FHIP1A: variants seen among roughly 807,000 people sequenced by gnomAD.
FHIP1A encodes the protein FHF complex subunit HOOK interacting protein 1A.
A neutral mutation model predicts 88.6 loss-of-function variants in FHIP1A; 61 were observed. The observed-to-expected ratio is 0.69, with a 90% CI of 0.56 to 0.85. The LOEUF (loss-of-function observed/expected upper bound fraction) is 0.85. Among genes scored for constraint, FHIP1A ranks in the 40% least tolerant of loss-of-function variants. The probability of loss-of-function intolerance (pLI) is 0.00; values close to 1 mark genes in which losing one functional copy is unlikely to be tolerated. For missense variants in FHIP1A, 1,154 were observed against 1,273.5 expected (o/e 0.91, Z 1.43); for synonymous variants, 478 against 496.0 (o/e 0.96, Z 0.48).
At chr4:151,649,339 A>G in intron 10 of FHIP1A, 120 bp from the exon 11 acceptor site, 1 of 634,074 alleles carries the variant, frequency 1.6e-6, no homozygotes, top group South Asian at 2.0e-5. Context: ...TTTTAATCAG[A>G]TATAATTAGA....
chr4:151,473,102 A>C (rs7657747), intron 2 of FHIP1A, among the ~76,000 whole-genome samples: 1 of 151,842 alleles, frequency 6.6e-6, no homozygotes, highest in East Asian at 1.9e-4. Flanking sequence ...TGTTGTTGCT[A>C]TTATCTCTTG....
At chr4:151,427,256 G>A (rs1383492518) in intron 1 of FHIP1A, among the ~76,000 whole-genome samples, 1 of 152,010 alleles carries the variant, frequency 6.6e-6, no homozygotes, top group African/African-American at 2.4e-5. Flanking sequence ...TCAGTTTATT[G>A]ACTTATTATG....
chr4:151,578,770 T>G (rs1217169935), intron 5 of FHIP1A, among the ~76,000 whole-genome samples: 1 of 152,218 alleles, frequency 6.6e-6, no homozygotes, highest in East Asian at 1.9e-4. Flanking sequence ...TGTTGAAAAC[T>G]TATGTCCACC....
intron 2 of FHIP1A, among the ~76,000 whole-genome samples, chr4:151,468,613 A>G (rs1330521226): frequency 6.6e-6 from 1 of 152,158 alleles, no homozygotes; most frequent in African/African-American, 2.4e-5. Flanking sequence ...TTAGATTGCC[A>G]CCCCATGCCC....
chr4:151,473,090 G>C (rs1042678410), intron 2 of FHIP1A, among the ~76,000 whole-genome samples: 5 of 152,020 alleles, frequency 3.3e-5, no homozygotes, highest in Non-Finnish European at 7.4e-5. Flanking sequence ...GTTTTTTGTC[G>C]TTGTTGTTGC....
intron 1 of FHIP1A, among the ~76,000 whole-genome samples, chr4:151,425,678 C>T (rs186364540): frequency 2.8e-4 from 43 of 152,084 alleles, no homozygotes; most frequent in Admixed American, 1.4e-3. Context: ...TTTTGGAGGC[C>T]GGAAGTCTAA....
intron 2 of FHIP1A, among the ~76,000 whole-genome samples, chr4:151,462,321 C>T (rs1729168999): frequency 6.6e-6 from 1 of 152,122 alleles, no homozygotes; most frequent in Non-Finnish European, 1.5e-5. Flanking sequence ...GGGTGTACTT[C>T]ATGTTCCGTA....
At chr4:151,583,227 A>G (rs62329100) in intron 5 of FHIP1A, among the ~76,000 whole-genome samples, 7,403 of 152,304 alleles carry the variant, frequency 0.049, 245 homozygotes, top group Non-Finnish European at 0.079. Flanking sequence ...TCTTGTTTCT[A>G]AGACTATGTA....
At chr4:151,425,783 G>GCAT (rs58334283) in intron 1 of FHIP1A, among the ~76,000 whole-genome samples, 78,733 of 151,682 alleles carry the variant, frequency 0.52, 20,704 homozygotes, top group African/African-American at 0.55. Context: ...GCTTGTGGCT[G>GCAT]CATCTCTCTG....
intron 3 of FHIP1A, among the ~76,000 whole-genome samples, chr4:151,517,305 G>A (rs1029615413): frequency 1.3e-5 from 2 of 150,986 alleles, no homozygotes; most frequent in Admixed American, 1.3e-4. Context: ...CTGTTGTGGG[G>A]TTGGGGGAGG....
chr4:151,551,829 C>G (rs969568976), intron 3 of FHIP1A, among the ~76,000 whole-genome samples: 17 of 152,234 alleles, frequency 1.1e-4, no homozygotes, highest in African/African-American at 3.9e-4. Flanking sequence ...ACAAAATTGA[C>G]AAATGGGATC....
chr4:151,664,372 G>A lies in FHIP1A; in HGVS notation c.*1618G>A, dbSNP rs1737587184. On this transcript the variant is annotated 3_prime_UTR_variant, in exon 14 of 14. Coordinates refer to ENST00000435205, the MANE Select transcript of FHIP1A (RefSeq NM_001109977.3). ...GAATCTTGAAGCAGCTTTGTATTGA[G>A]TGAATGAGAAATTGAGAGCTGGCCT... Among the ~76,000 whole-genome samples, 1 of 152,244 alleles carries A rather than the reference G, an allele frequency of 6.6e-6. No individual in the cohort carries two copies. Among genetic ancestry groups the A allele is most frequent in the Non-Finnish European group, 1.5e-5 (1 of 68,042 alleles).
chr4:151,662,638 C>T lies in FHIP1A; in HGVS notation c.3007C>T (p.Pro1003Ser). 1.9e-6 allele frequency: 3 copies of T among 1,551,658 alleles called. No individual in the cohort carries two copies. Among genetic ancestry groups the T allele is most frequent in the Non-Finnish European group, 2.6e-6 (3 of 1,146,988 alleles). ...CAACCTGCCCCTGCCGGTGAGGAAC[C>T]CCATGCTGGCTGCTGCCCTCTTCCC... ...PPNLPLPVRN[P>S]MLAAALFPEF... Residue 1003 changes from proline to serine, a missense_variant, in exon 14 of 14, where the codon CCC (proline) becomes TCC (serine). Coordinates refer to ENST00000435205, the MANE Select transcript of FHIP1A (RefSeq NM_001109977.3).
chr4:151,539,201 C>A (rs1304308521), intron 3 of FHIP1A, among the ~76,000 whole-genome samples: 4 of 152,168 alleles, frequency 2.6e-5, no homozygotes, highest in Non-Finnish European at 5.9e-5. Flanking sequence ...TTAACTGATA[C>A]TTTTTTAAGC....
intron 7 of FHIP1A, among the ~76,000 whole-genome samples, chr4:151,591,657 T>C (rs1225827970): frequency 3.3e-5 from 5 of 152,150 alleles, no homozygotes; most frequent in African/African-American, 7.2e-5. Context: ...TCTGTGTCCA[T>C]GTGTTCTCGT....
At chr4:151,586,611 C>A (rs1560784325) in intron 5 of FHIP1A, 30 bp from the exon 6 acceptor site, 1 of 1,519,176 alleles carries the variant, frequency 6.6e-7, no homozygotes. Flanking sequence ...TTTGGAAAAG[C>A]ATTTATTTTG....
chr4:151,614,535 T>A lies in FHIP1A; in HGVS notation c.979-15167T>A, dbSNP rs141272161. ...ATCAAGTTTGGCAGTCTGGTGTATA[T>A]TTTCTGGCTTTTAAATTATTTGAAT... On this transcript the variant is annotated intron_variant, in intron 7 of 13. Transcript: ENST00000435205. Among the ~76,000 whole-genome samples, 93 of 152,214 alleles carry A rather than the reference T, an allele frequency of 6.1e-4. No homozygotes were observed. The East Asian group carries it at 0.016, about 27-fold the overall frequency.
Position 151,656,381 on chromosome 4 carries a change from TTCCAGCCAAGCGTCCGCTC to T in FHIP1A, c.2704_2722del (p.Gln902SerfsTer8). On this transcript the variant is annotated frameshift_variant, in exon 12 of 14. Coordinates refer to ENST00000435205, the MANE Select transcript of FHIP1A (RefSeq NM_001109977.3). LOFTEE classifies it high-confidence loss of function. This position sits in a 1 kb window ranked among gnomAD's most constrained non-coding sequence, Gnocchi z 4.2. ...CTTTCTGCTCAACACCAACATGGTC[TTCCAGCCAAGCGTCCGCTC>T]TCTCTATCAGGTATGTTAGCTGAAC... is the stretch of plus-strand genomic sequence containing the variant. 6.4e-7 allele frequency: 1 copy of T among 1,551,736 alleles called. No individual in the cohort carries two copies. Among genetic ancestry groups the T allele is most frequent in the Non-Finnish European group, 8.7e-7 (1 of 1,147,012 alleles).
intron 1 of FHIP1A, among the ~76,000 whole-genome samples, chr4:151,431,317 G>A (rs1347882413): frequency 6.6e-6 from 1 of 152,076 alleles, no homozygotes; most frequent in Non-Finnish European, 1.5e-5. Context: ...ACCTCCAAAT[G>A]CAATTGTCCC....
Sources: allele counts gnomAD v4.1 joint callset (sites outside exome capture counted in the v4.1 genomes callset), GRCh38; gene constraint gnomAD v4.1.1; non-coding constraint Gnocchi (gnomAD v3.1); transcripts MANE v1.5; gene names NCBI Gene and HGNC (gene_info 2026-07-23, HGNC 2026-07-21).